The following RMDN2 variants were observed in gnomAD, a reference collection of about 807,000 sequenced individuals.
RMDN2 encodes the protein regulator of microtubule dynamics protein 2.
In RMDN2, 61 loss-of-function variants were observed where a neutral mutation model predicts 52.8. The observed-to-expected ratio is 1.16, with a 90% CI of 0.94 to 1.43. The LOEUF is 1.43. Ranked by LOEUF, RMDN2 falls within the 40% of genes most tolerant of loss-of-function variation. The pLI is 0.00. For synonymous variants in RMDN2, 180 were observed against 153.1 expected, an observed-to-expected ratio of 1.18 and a Z score of -1.30; for missense variants, 592 against 475.3, an observed-to-expected ratio of 1.25 and a Z score of -2.28.
intron 10 of RMDN2, among the ~76,000 whole-genome samples, chr2:38,062,617 T>A (rs163081): frequency 0.19 from 28,480 of 152,066 alleles, 2,779 homozygotes; most frequent in Middle Eastern, 0.22. Flanking sequence ...CATTTTTTTT[T>A]AATTTTATTA....
intron 10 of RMDN2, among the ~76,000 whole-genome samples, chr2:38,015,436 G>A (rs184892394): frequency 3.3e-5 from 5 of 152,114 alleles, no homozygotes; most frequent in African/African-American, 9.6e-5. Flanking sequence ...ATGGTAGCAC[G>A]TGCCTGTAGC....
At chr2:37,938,952 T>C (rs1334584605) in intron 2 of RMDN2, among the ~76,000 whole-genome samples, 1 of 152,196 alleles carries the variant, frequency 6.6e-6, no homozygotes, top group Non-Finnish European at 1.5e-5. Context: ...TGAATTTGTT[T>C]GCTCTTGCTG....
At chr2:38,014,210 C>T (rs889952875) in intron 10 of RMDN2, among the ~76,000 whole-genome samples, 4 of 150,778 alleles carry the variant, frequency 2.7e-5, no homozygotes, top group Non-Finnish European at 3.0e-5. Context: ...GAAACTCCGT[C>T]GCAAAAAAAA....
intron 2 of RMDN2, chr2:37,952,882 C>G (rs1317612018): frequency 6.6e-6 from 1 of 151,896 alleles, no homozygotes; most frequent in African/African-American, 2.4e-5. Context: ...ATATTAGTCT[C>G]CCAAAATTTT....
At chr2:37,971,641 A>C (rs1009963576) in intron 2 of RMDN2, among the ~76,000 whole-genome samples, 1 of 151,722 alleles carries the variant, frequency 6.6e-6, no homozygotes, top group Non-Finnish European at 1.5e-5. Context: ...TTACATGCCA[A>C]CTCTCCCATG....
intron 10 of RMDN2, chr2:38,035,782 A>G (rs1225077084): frequency 6.6e-6 from 1 of 152,204 alleles, no homozygotes; most frequent in Non-Finnish European, 1.5e-5. Context: ...AGCATCTTCA[A>G]CTTAGTTTTC....
At chr2:37,924,420 C>A (rs761150117), upstream of RMDN2, among the ~76,000 whole-genome samples, 2 of 152,250 alleles carry the variant, frequency 1.3e-5, no homozygotes, top group Non-Finnish European at 2.9e-5. Context: ...GGCTGGAGTG[C>A]GGTGGCGCGA....
intron 7 of RMDN2, among the ~76,000 whole-genome samples, chr2:37,992,135 A>G (rs1364412386): frequency 2.0e-5 from 3 of 149,460 alleles, no homozygotes; most frequent in Non-Finnish European, 3.0e-5. Context: ...TGAAGCAGTT[A>G]TTATTATACC....
At chr2:37,962,818 G>A (rs969202996) in intron 2 of RMDN2, among the ~76,000 whole-genome samples, 1 of 152,144 alleles carries the variant, frequency 6.6e-6, no homozygotes, top group East Asian at 1.9e-4. Flanking sequence ...TGAAACCCAG[G>A]GCCCTTTTGG....
At position 37,962,441 on chromosome 2, in the gene RMDN2, C is replaced by T. The variant is rs537407824; in HGVS notation, c.453-11599C>T. On this transcript the variant is annotated intron_variant, in intron 2 of 10. Coordinates refer to ENST00000354545, the MANE Select transcript of RMDN2 (RefSeq NM_001170791.3). ...GTCTGGCTACATTGGCTTTGCTGCA[C>T]TGCAGTGGGCTCCACCCAGTCCGAA... is the stretch of plus-strand genomic sequence containing the variant. 4.6e-4 allele frequency among the ~76,000 whole-genome samples: 70 copies of T among 152,344 alleles called. 1 individual carries two copies. The highest frequency in any genetic ancestry group is 3.4e-3 in the Middle Eastern group (1 of 294).
At chr2:38,013,001 G>A (rs112051285) in intron 10 of RMDN2, among the ~76,000 whole-genome samples, 12 of 152,320 alleles carry the variant, frequency 7.9e-5, no homozygotes, top group Admixed American at 2.0e-4. Flanking sequence ...AGTGTCAGTC[G>A]TTTGGTCTCT....
intron 10 of RMDN2, among the ~76,000 whole-genome samples, chr2:38,009,568 T>G (rs998922832): frequency 3.9e-5 from 6 of 152,272 alleles, no homozygotes; most frequent in Non-Finnish European, 8.8e-5. Flanking sequence ...CATCAGGTCC[T>G]TTAAGGAATT....
chr2:38,006,478 A>T (rs1434436572), intron 10 of RMDN2, among the ~76,000 whole-genome samples: 4 of 152,066 alleles, frequency 2.6e-5, no homozygotes, highest in Non-Finnish European at 5.9e-5. Context: ...TGTGAATGGG[A>T]GTTCACTCAT....
At chr2:38,052,767 A>T (rs187772837) in intron 10 of RMDN2, among the ~76,000 whole-genome samples, 1 of 152,296 alleles carries the variant, frequency 6.6e-6, no homozygotes, top group Admixed American at 6.5e-5. Flanking sequence ...ATTATCCTCA[A>T]ACTTACTTTT....
chr2:38,040,687 G>A (rs538942065), intron 10 of RMDN2, among the ~76,000 whole-genome samples: 2 of 152,158 alleles, frequency 1.3e-5, no homozygotes, highest in Non-Finnish European at 2.9e-5. Flanking sequence ...CTTCAGTATT[G>A]TATTGTCTGT....
intron 1 of RMDN2, among the ~76,000 whole-genome samples, chr2:37,928,404 G>A (rs1259019003): frequency 2.0e-5 from 3 of 152,174 alleles, no homozygotes; most frequent in Admixed American, 1.3e-4. Context: ...AACAATGCTT[G>A]GTAGAATATG....
At chr2:38,039,093 C>CACACACAG (rs1317093706) in intron 10 of RMDN2, among the ~76,000 whole-genome samples, 2 of 91,592 alleles carry the variant, frequency 2.2e-5, no homozygotes, top group Non-Finnish European at 3.3e-5. Flanking sequence ...CACACACACA[C>CACACACAG]AGAGAGAGAG....
At chr2:38,011,924 G>T (rs1029587510) in intron 10 of RMDN2, among the ~76,000 whole-genome samples, 2 of 152,016 alleles carry the variant, frequency 1.3e-5, no homozygotes, top group African/African-American at 4.8e-5. Flanking sequence ...CTTGCCTCCC[G>T]CCAGGCCACT....
intron 8 of RMDN2, among the ~76,000 whole-genome samples, chr2:38,002,036 G>C (rs1676391117): frequency 6.6e-6 from 1 of 152,130 alleles, no homozygotes; most frequent in African/African-American, 2.4e-5. Flanking sequence ...TGGTCTTAAA[G>C]ATTTATACCG....
Sources: gnomAD v4.1 joint callset for allele counts (sites outside exome capture counted in the v4.1 genomes callset) on GRCh38, gnomAD v4.1.1 for gene constraint, MANE v1.5 for transcripts, NCBI Gene and HGNC (gene_info 2026-07-23, HGNC 2026-07-21) for gene names.